Variants in CNTNAP2 observed in about 807,000 individuals in gnomAD.
The protein encoded by CNTNAP2 is contactin associated protein 2.
CNTNAP2 carries 98 observed loss-of-function variants against 155.2 expected under a neutral mutation model. That is an observed-to-expected ratio of 0.63 (90% confidence interval 0.54 to 0.75). The LOEUF (loss-of-function observed/expected upper bound fraction) is 0.75. Ranked by LOEUF, CNTNAP2 falls within the 30% of genes least tolerant of loss-of-function variation. The pLI, the probability that CNTNAP2 is intolerant of heterozygous loss-of-function variation, is 0.00. For synonymous variants in CNTNAP2, 651 were observed against 631.2 expected (o/e 1.03, Z -0.47); for missense variants, 1,727 against 1,688.1 (o/e 1.02, Z -0.40).
At chr7:148,187,866 G>C (rs1264787242) in intron 18 of CNTNAP2, among the ~76,000 whole-genome samples, 1 of 152,146 alleles carries the variant, frequency 6.6e-6, no homozygotes, top group Non-Finnish European at 1.5e-5. Flanking sequence ...GCATACAAGA[G>C]TATGCTTGAG....
chr7:147,159,938 T>TA (rs1380091438), intron 8 of CNTNAP2, among the ~76,000 whole-genome samples: 1 of 120,652 alleles, frequency 8.3e-6, no homozygotes, highest in African/African-American at 4.3e-5. Context: ...TGAATCAAAG[T>TA]TTTTTTTTGG....
intron 1 of CNTNAP2, among the ~76,000 whole-genome samples, chr7:146,172,032 A>ATTTTT (rs61619996): frequency 7.8e-3 from 527 of 67,302 alleles, no homozygotes; most frequent in Middle Eastern, 0.016. Context: ...TGCTCTTAGT[A>ATTTTT]TTTTTTTTTT....
intron 1 of CNTNAP2, among the ~76,000 whole-genome samples, chr7:146,382,418 T>C (rs1795402704): frequency 6.6e-6 from 1 of 152,192 alleles, no homozygotes; most frequent in Non-Finnish European, 1.5e-5. Flanking sequence ...TCCTGTGCTA[T>C]TTCATTTTTA....
intron 3 of CNTNAP2, among the ~76,000 whole-genome samples, chr7:146,864,827 C>A (rs1795169720): frequency 1.5e-5 from 1 of 67,724 alleles, no homozygotes; most frequent in Admixed American, 1.7e-4. Flanking sequence ...CAAAGCAAAA[C>A]AAAACAAAAC....
chr7:146,881,687 AT>A (rs1404196237), intron 3 of CNTNAP2, among the ~76,000 whole-genome samples: 7 of 151,772 alleles, frequency 4.6e-5, no homozygotes, highest in Admixed American at 4.6e-4. Context: ...ATAGCAAAAA[AT>A]ATATACAAGT....
At chr7:148,317,175 G>A (rs1191678926) in intron 21 of CNTNAP2, among the ~76,000 whole-genome samples, 2 of 152,192 alleles carry the variant, frequency 1.3e-5, no homozygotes, top group African/African-American at 4.8e-5. Context: ...GACCAACATG[G>A]TGAAACTCTG....
At chr7:148,340,524 C>G (rs1798209259) in intron 21 of CNTNAP2, among the ~76,000 whole-genome samples, 1 of 152,222 alleles carries the variant, frequency 6.6e-6, no homozygotes, top group Non-Finnish European at 1.5e-5. Context: ...GCAGACAGTT[C>G]TGGACTTGCT....
chr7:146,939,255 C>A (rs1038843842), intron 3 of CNTNAP2, among the ~76,000 whole-genome samples: 7 of 152,092 alleles, frequency 4.6e-5, no homozygotes, highest in African/African-American at 1.4e-4. Context: ...CAGAAACTCA[C>A]AATAGGAGTT....
At chr7:147,364,357 A>C (rs1273792979) in intron 9 of CNTNAP2, among the ~76,000 whole-genome samples, 1 of 152,232 alleles carries the variant, frequency 6.6e-6, no homozygotes, top group Non-Finnish European at 1.5e-5. Flanking sequence ...ATTTGTTCAC[A>C]TATCATTACA....
At chr7:147,062,127 C>CAAAAAAAAAAAAAAAA (rs869125044) in intron 4 of CNTNAP2, among the ~76,000 whole-genome samples, 11 of 44,938 alleles carry the variant, frequency 2.4e-4, no homozygotes, top group African/African-American at 2.9e-4. Context: ...GACTCCGTCT[C>CAAAAAAAAAAAAAAAA]AAAAAAAAAA....
At chr7:147,002,137 A>T (rs975981766) in intron 3 of CNTNAP2, among the ~76,000 whole-genome samples, 2 of 151,896 alleles carry the variant, frequency 1.3e-5, no homozygotes, top group Non-Finnish European at 2.9e-5. Context: ...ACAAAGAGAA[A>T]CTTTAAAAGA....
At chr7:148,244,262 A>G (rs1796214107) in intron 20 of CNTNAP2, among the ~76,000 whole-genome samples, 1 of 152,212 alleles carries the variant, frequency 6.6e-6, no homozygotes, top group Non-Finnish European at 1.5e-5. Context: ...GTTGGCACAG[A>G]GACAAGCAAA....
chr7:146,900,871 T>G (rs1795977927), intron 3 of CNTNAP2, among the ~76,000 whole-genome samples: 2 of 152,168 alleles, frequency 1.3e-5, no homozygotes, highest in African/African-American at 4.8e-5. Context: ...CATTCACTGC[T>G]TAGCATAATT....
At chr7:148,414,224 G>A (rs1490256694) in intron 23 of CNTNAP2, among the ~76,000 whole-genome samples, 3 of 151,526 alleles carry the variant, frequency 2.0e-5, no homozygotes, top group Non-Finnish European at 2.9e-5. Context: ...TCACAGGAGC[G>A]TGCCACCATG....
intron 8 of CNTNAP2, among the ~76,000 whole-genome samples, chr7:147,148,688 A>G (rs1334569806): frequency 2.0e-5 from 3 of 152,292 alleles, no homozygotes; most frequent in African/African-American, 7.2e-5. Flanking sequence ...CACTGACTTC[A>G]GGAGTGAAGC....
intron 20 of CNTNAP2, among the ~76,000 whole-genome samples, chr7:148,245,325 G>T (rs114236491): frequency 0.019 from 2,870 of 152,256 alleles, 75 homozygotes; most frequent in African/African-American, 0.064. Flanking sequence ...GCGAATAAGA[G>T]TATGTGCCGA....
At chr7:147,796,321 A>G (rs1038037676) in intron 13 of CNTNAP2, among the ~76,000 whole-genome samples, 1 of 152,212 alleles carries the variant, frequency 6.6e-6, no homozygotes, top group Non-Finnish European at 1.5e-5. Context: ...GCCTCATTTT[A>G]AAATGAAAGG....
At chr7:148,347,830 C>T (rs944749632) in intron 21 of CNTNAP2, among the ~76,000 whole-genome samples, 1 of 152,184 alleles carries the variant, frequency 6.6e-6, no homozygotes, top group African/African-American at 2.4e-5. Flanking sequence ...CAGCCAGAAT[C>T]CCCCTGGAAC....
intron 13 of CNTNAP2, among the ~76,000 whole-genome samples, chr7:147,894,957 CTTTCTTTCTTTTTTTT>C (rs1363295056): frequency 3.2e-5 from 2 of 62,858 alleles, no homozygotes; most frequent in East Asian, 5.0e-4. Flanking sequence ...TTCTTTCTTT[CTTTCTTTCTTTTTTTT>C]TTTTTTTTTT....
Sources: gnomAD v4.1 joint callset for allele counts (sites outside exome capture counted in the v4.1 genomes callset) on GRCh38, gnomAD v4.1.1 for gene constraint, MANE v1.5 for transcripts, NCBI Gene and HGNC (gene_info 2026-07-23, HGNC 2026-07-21) for gene names.